Variants in EEF2K observed in about 807,000 individuals in gnomAD.
EEF2K encodes the protein alternative protein EEF2K.
A neutral mutation model predicts 93.8 loss-of-function variants in EEF2K; 70 were observed. The observed-to-expected ratio is 0.75, with a 90% CI of 0.62 to 0.91. The LOEUF is 0.91. Among genes scored for constraint, EEF2K ranks in the 40% least tolerant of loss-of-function variants. The probability of loss-of-function intolerance (pLI) is 0.00; values close to 1 mark genes in which losing one functional copy is unlikely to be tolerated. For synonymous variants in EEF2K, 376 were observed against 380.8 expected (o/e 0.99, Z 0.15); for missense variants, 935 against 972.9 (o/e 0.96, Z 0.52).
chr16:22,257,131 G>T (rs2047409534), intron 7 of EEF2K, 122 bp from the exon 8 acceptor site: 7 of 1,529,302 alleles, frequency 4.6e-6, no homozygotes, highest in Admixed American at 2.2e-5. Context: ...TTTTTCCTTT[G>T]TCTTTTCCTC....
chr16:22,211,535 C>CT (rs2046914148), intron 1 of EEF2K, among the ~76,000 whole-genome samples: 1 of 152,192 alleles, frequency 6.6e-6, no homozygotes, highest in Non-Finnish European at 1.5e-5. Context: ...TCTTGGCTTA[C>CT]TGCAACCTCT....
intron 2 of EEF2K, among the ~76,000 whole-genome samples, chr16:22,233,450 A>C (rs1272113912): frequency 6.6e-6 from 1 of 151,924 alleles, no homozygotes; most frequent in Non-Finnish European, 1.5e-5. Context: ...CGGCCGAGGC[A>C]GGTAGATCAC....
intron 6 of EEF2K, among the ~76,000 whole-genome samples, chr16:22,255,601 A>G (rs1170348534): frequency 6.6e-6 from 1 of 152,124 alleles, no homozygotes; most frequent in East Asian, 1.9e-4. Flanking sequence ...TTAAAACTCA[A>G]AGGAAAACAG....
chr16:22,249,447 T>G (rs1240677665), intron 4 of EEF2K, among the ~76,000 whole-genome samples: 2 of 152,174 alleles, frequency 1.3e-5, no homozygotes, highest in African/African-American at 4.8e-5. Flanking sequence ...ATGAGCACAC[T>G]GCCTTAACAT....
In EEF2K at chr16:22,258,553, G is replaced by A; in HGVS notation, c.1089G>A (p.Arg363=). 1 of 1,614,048 alleles carries A rather than the reference G, an allele frequency of 6.2e-7. No individual in the cohort carries two copies. The highest frequency in any genetic ancestry group is 8.5e-7 in the Non-Finnish European group (1 of 1,180,018). ...TEEKCGSPQV[R]TLSGSRPPLL... ...AAAAATGTGGGAGCCCCCAAGTAAG[G>A]ACCCTCTCTGGGAGCCGGCCACCCC... Residue 363 remains arginine, a synonymous_variant, in exon 10 of 18, where the codon AGG becomes AGA. Transcript: ENST00000263026.
At chr16:22,223,262 G>C (rs1027739581) in intron 1 of EEF2K, among the ~76,000 whole-genome samples, 1 of 107,478 alleles carries the variant, frequency 9.3e-6, no homozygotes, top group Admixed American at 9.6e-5. Context: ...GTTTTTTTCT[G>C]TTTTTTTTTT....
At chr16:22,240,854 C>T (rs2047214731) in intron 2 of EEF2K, among the ~76,000 whole-genome samples, 1 of 152,114 alleles carries the variant, frequency 6.6e-6, no homozygotes. Context: ...ACTGCAACCT[C>T]CGCCTCCTGG....
intron 2 of EEF2K, among the ~76,000 whole-genome samples, chr16:22,231,998 CAAAAAAAAA>C (rs35198909): frequency 1.4e-4 from 9 of 66,000 alleles, no homozygotes; most frequent in East Asian, 5.0e-4. Context: ...CTTAAACAAA[CAAAAAAAAA>C]AAAAAAAAAA....
In EEF2K at chr16:22,218,241, G is replaced by C. The variant is rs574666195; in HGVS notation, c.-76-7413G>C. On this transcript the variant is annotated intron_variant, in intron 1 of 17. Coordinates refer to ENST00000263026, the MANE Select transcript of EEF2K (RefSeq NM_013302.5). ...AGAGGCAGATCCTCACACAGAAGCTGGTGCGTGATTCCAGGTGGCTGATCA... is the reference window on the plus strand; with the variant it reads ...AGAGGCAGATCCTCACACAGAAGCTCGTGCGTGATTCCAGGTGGCTGATCA... Among the ~76,000 whole-genome samples, 3 of 152,348 alleles carry C rather than the reference G, an allele frequency of 2.0e-5. No homozygotes were observed. In the East Asian group the frequency reaches 5.8e-4, roughly 29 times the overall value.
chr16:22,257,007 C>T (rs2047408416), intron 7 of EEF2K, 110 bp downstream of exon 7: 2 of 1,512,926 alleles, frequency 1.3e-6, no homozygotes, highest in Non-Finnish European at 1.8e-6. Context: ...AGTCTCACCC[C>T]CAGAGAAGCC....
At chr16:22,229,104 A>C (rs2047091634) in intron 2 of EEF2K, among the ~76,000 whole-genome samples, 1 of 152,064 alleles carries the variant, frequency 6.6e-6, no homozygotes, top group African/African-American at 2.4e-5. Context: ...GCACCACTGC[A>C]CTCCAGCCTG....
In EEF2K at chr16:22,225,969, C is replaced by G. The variant is rs867278570; in HGVS notation, c.240C>G (p.His80Gln). The change falls in exon 2 of 18, where the codon CAC (histidine) becomes CAG (glutamine). Residue 80 changes from histidine (H) to glutamine (Q), a missense_variant. Coordinates refer to ENST00000263026, the MANE Select transcript of EEF2K (RefSeq NM_013302.5). ...SSSGSPANSF[H>Q]FKEAWKHAIQ... ...GCGGGTCCCCGGCAAACTCCTTCCA[C>G]TTCAAGGTGAGTGAGCCACCTATTC... The G allele has an allele frequency of 6.2e-7, 1 of 1,613,794 alleles. No individual in the cohort carries two copies. Among genetic ancestry groups the G allele is most frequent in the Middle Eastern group, 1.7e-4 (1 of 6,060 alleles).
chr16:22,271,962 A>T (rs1199670042), intron 15 of EEF2K, among the ~76,000 whole-genome samples: 2 of 152,210 alleles, frequency 1.3e-5, no homozygotes, highest in East Asian at 3.8e-4. Context: ...CCTGAATCAG[A>T]TGGTAGTTTT....
intron 3 of EEF2K, among the ~76,000 whole-genome samples, chr16:22,246,053 C>T (rs556529314): frequency 1.2e-4 from 19 of 152,280 alleles, no homozygotes; most frequent in East Asian, 3.9e-4. Flanking sequence ...AGACCGTCCC[C>T]GACTTTCACT....
intron 2 of EEF2K, among the ~76,000 whole-genome samples, chr16:22,243,396 C>T (rs1426644768): frequency 6.6e-6 from 1 of 151,656 alleles, no homozygotes; most frequent in African/African-American, 2.4e-5. Context: ...GGATTACAAG[C>T]GTGTGCCACC....
chr16:22,266,530 G>C lies in EEF2K; in HGVS notation c.1575+6G>C. The C allele has an allele frequency of 6.2e-7, 1 of 1,614,014 alleles. No homozygotes were observed. Among genetic ancestry groups the C allele is most frequent in the South Asian group, 1.1e-5 (1 of 91,054 alleles). On this transcript the variant is annotated splice_donor_region_variant and intron_variant, in intron 14 of 17. Coordinates refer to ENST00000263026, the MANE Select transcript of EEF2K (RefSeq NM_013302.5). ...GGAAGTCCATTTTGGGGAAGGTATC[G>C]GCGATGCCCATTTTGGAGCCCTGTC...
At chr16:22,207,061 C>A (rs1485241241) in intron 1 of EEF2K, among the ~76,000 whole-genome samples, 1 of 152,200 alleles carries the variant, frequency 6.6e-6, no homozygotes, top group African/African-American at 2.4e-5. Context: ...CCCCACCTTT[C>A]CCCTGAACTA....
intron 1 of EEF2K, among the ~76,000 whole-genome samples, chr16:22,207,951 G>T (rs953681561): frequency 4.6e-5 from 7 of 152,172 alleles, no homozygotes; most frequent in Non-Finnish European, 1.0e-4. Flanking sequence ...TTCAGAGATG[G>T]CGTATGCAGG....
intron 1 of EEF2K, among the ~76,000 whole-genome samples, chr16:22,209,571 G>A (rs2142097167): frequency 6.6e-6 from 1 of 152,340 alleles, no homozygotes; most frequent in African/African-American, 2.4e-5. Flanking sequence ...AGTAATAGCG[G>A]CAGGTTGAAC....
Sources: gnomAD v4.1 joint callset for allele counts (sites outside exome capture counted in the v4.1 genomes callset) on GRCh38, gnomAD v4.1.1 for gene constraint, MANE v1.5 for transcripts, NCBI Gene and HGNC (gene_info 2026-07-23, HGNC 2026-07-21) for gene names.